The following MMP27 variants were observed in gnomAD, a reference collection of about 807,000 sequenced individuals.
The protein encoded by MMP27 is matrix metallopeptidase 27.
MMP27 carries 51 observed loss-of-function variants against 48.1 expected under a neutral mutation model. The ratio of observed to expected loss-of-function variants is 1.06; its 90% CI spans 0.85 to 1.34. The LOEUF is 1.34. Among genes scored for constraint, MMP27 ranks in the 40% most tolerant of loss-of-function variants. The pLI, the probability that MMP27 is intolerant of heterozygous loss-of-function variation, is 0.00. For synonymous variants in MMP27, 229 were observed against 208.9 expected, an observed-to-expected ratio of 1.10 and a Z score of -0.83; for missense variants, 698 against 619.3, an observed-to-expected ratio of 1.13 and a Z score of -1.35.
chr11:102,701,323 A>T (rs75503456), intron 4 of MMP27, among the ~76,000 whole-genome samples: 144 of 152,194 alleles, frequency 9.5e-4, no homozygotes, highest in African/African-American at 3.3e-3. Flanking sequence ...CTTACCCCAC[A>T]TGTCCCCCTT....
Position 102,704,787 on chromosome 11 carries a change from G to C in MMP27, c.103-12C>G. The C allele has an allele frequency of 7.3e-7, 1 of 1,377,056 alleles. No individual in the cohort carries two copies. Among genetic ancestry groups the C allele is most frequent in the Non-Finnish European group, 9.7e-7 (1 of 1,033,948 alleles). The allele number at this position is 1,377,056 out of a possible 1,614,324, so 85.3% of individuals were successfully genotyped here. A position where few individuals can be genotyped will look rare whatever the true frequency, so the allele number is the denominator to read the frequency against. On this transcript the variant is annotated splice_polypyrimidine_tract_variant and intron_variant, in intron 1 of 9. Transcript: ENST00000260229. ...TGGTTGAGATATGCCTGACCAAAAAGATAAGAAAAAAAAAAAAGAGGCACA... is the reference window on the plus strand; with the variant it reads ...TGGTTGAGATATGCCTGACCAAAAACATAAGAAAAAAAAAAAAGAGGCACA...
intron 4 of MMP27, among the ~76,000 whole-genome samples, chr11:102,700,112 T>C (rs1473198302): frequency 6.6e-6 from 1 of 152,248 alleles, no homozygotes; most frequent in Non-Finnish European, 1.5e-5. Context: ...GGAGGGCAGC[T>C]TCTGTGTCCT....
At chr11:102,693,092 T>G (rs1467570568) in intron 8 of MMP27, 51 bp from the exon 9 acceptor site, 1 of 1,440,868 alleles carries the variant, frequency 6.9e-7, no homozygotes, top group Non-Finnish European at 9.7e-7. Context: ...TTTGGGGAGC[T>G]TAATTTGTCT....
At position 102,692,008 on chromosome 11, in the gene MMP27, A is replaced by G. The variant is rs1232294734; in HGVS notation, c.1300T>C (p.Phe434Leu). 4 of 1,595,002 alleles carry G rather than the reference A, an allele frequency of 2.5e-6. No homozygotes were observed. The highest frequency in any genetic ancestry group is 3.4e-6 in the Non-Finnish European group (4 of 1,170,038). The change falls in exon 10 of 10, where the codon TTC becomes CTC. Residue 434 changes from phenylalanine (F) to leucine (L), a missense_variant and splice_region_variant. Coordinates refer to ENST00000260229, the MANE Select transcript of MMP27 (RefSeq NM_022122.3). ...TTTGATCCACGGCTGAAAAAGAAGA[A>G]TCCTAGAGACAGGGAATCAGGATTA... The part of the protein sequence containing the change: ...RVDAAFQYKG[F>L]FFFSRGSKQF...
chr11:102,696,936 G>A (rs1052182362), intron 4 of MMP27, 101 bp from the exon 5 acceptor site: 1 of 1,246,482 alleles, frequency 8.0e-7, no homozygotes, highest in East Asian at 2.5e-5. Context: ...ATAAAGGCTT[G>A]CTATACAGCA....
Position 102,704,663 on chromosome 11 carries a change from A to G in MMP27, c.215T>C (p.Leu72Ser). ...TGAGTCCAGTTTTCCAGTCACTGTC[A>G]ATCCAAAAAATGCTTGCATTTCCCG... ...KIREMQAFFGLTVTGKLDSNT... is the reference protein window; with the variant it reads ...KIREMQAFFGSTVTGKLDSNT... Residue 72 changes from leucine to serine, a missense_variant, in exon 2 of 10, where the codon TTG becomes TCG. By Grantham distance (145) the Leu-to-Ser change is moderately radical. Transcript: ENST00000260229. 6.2e-7 allele frequency: 1 copy of G among 1,614,110 alleles called. No individual in the cohort carries two copies. Among genetic ancestry groups the G allele is most frequent in the Non-Finnish European group, 8.5e-7 (1 of 1,179,986 alleles).
In MMP27 at chr11:102,705,708, G is replaced by T. The variant is rs558421984; in HGVS notation, c.7C>A (p.Arg3Ser). Reference sequence around the variant, plus strand: ...AAGAACAAAAACAGAAGCAGAAGGCGCTTCATTCCTCTCTTTCTTCAGCTG... The same window carrying T: ...AAGAACAAAAACAGAAGCAGAAGGCTCTTCATTCCTCTCTTTCTTCAGCTG... MKRLLLLFLFFIT... is the reference protein window; with the variant it reads MKSLLLLFLFFIT... The change falls in exon 1 of 10, where the codon CGC becomes AGC. Residue 3 changes from arginine (R) to serine (S), a missense_variant. Coordinates refer to ENST00000260229, the MANE Select transcript of MMP27 (RefSeq NM_022122.3). 3 of 1,603,336 alleles carry T rather than the reference G, an allele frequency of 1.9e-6. No individual in the cohort carries two copies. Among genetic ancestry groups the T allele is most frequent in the African/African-American group, 1.3e-5 (1 of 74,198 alleles).
rs112573778 is a variant in MMP27, at chr11:102,703,043, G to T, written c.417C>A (p.Ser139Arg). The change falls in exon 3 of 10, where the codon AGC (serine) becomes AGA (arginine). Residue 139 changes from serine to arginine, a missense_variant. Coordinates refer to ENST00000260229, the MANE Select transcript of MMP27 (RefSeq NM_022122.3). ...TGGTGAATTTTAGTGGAGTGACTTTGCTCCACACTTCTAAACCTTCTTGGA... is the reference window on the plus strand; with the variant it reads ...TGGTGAATTTTAGTGGAGTGACTTTTCTCCACACTTCTAAACCTTCTTGGA... The part of the protein sequence containing the change: ...EAIQEGLEVW[S>R]KVTPLKFTKI... 56 of 1,613,884 alleles carry T rather than the reference G, an allele frequency of 3.5e-5. No homozygotes were observed. In the Admixed American group the frequency reaches 6.8e-4, roughly 20 times the overall value.
intron 2 of MMP27, among the ~76,000 whole-genome samples, chr11:102,703,473 A>AT (rs1007247584): frequency 6.6e-6 from 1 of 152,040 alleles, no homozygotes; most frequent in African/African-American, 2.4e-5. Context: ...ACTGAGAATC[A>AT]TTTTTTTGAA....
At chr11:102,694,268 A>G (rs1860780811) in intron 7 of MMP27, among the ~76,000 whole-genome samples, 1 of 152,216 alleles carries the variant, frequency 6.6e-6, no homozygotes. Flanking sequence ...AAAAGTCAAT[A>G]GTATGCGTAC....
intron 4 of MMP27, among the ~76,000 whole-genome samples, chr11:102,697,169 A>C (rs1565426931): frequency 6.6e-6 from 1 of 152,204 alleles, no homozygotes; most frequent in Admixed American, 6.5e-5. Context: ...TACTGTACTG[A>C]ATATTATAGG....
At chr11:102,697,642 C>T (rs1860856413) in intron 4 of MMP27, among the ~76,000 whole-genome samples, 1 of 152,006 alleles carries the variant, frequency 6.6e-6, no homozygotes, top group South Asian at 2.1e-4. Flanking sequence ...GCTGGGACTA[C>T]AGGTGCATGC....
chr11:102,692,017 A>C lies in MMP27; in HGVS notation c.1298-7T>G. The C allele has an allele frequency of 6.3e-7, 1 of 1,585,996 alleles. No individual in the cohort carries two copies. Among genetic ancestry groups the C allele is most frequent in the Non-Finnish European group, 8.6e-7 (1 of 1,166,060 alleles). ...CGGCTGAAAAAGAAGAATCCTAGAGACAGGGAATCAGGATTAGTTATCTTT... is the reference window on the plus strand; with the variant it reads ...CGGCTGAAAAAGAAGAATCCTAGAGCCAGGGAATCAGGATTAGTTATCTTT... On this transcript the variant is annotated splice_region_variant and splice_polypyrimidine_tract_variant and intron_variant, in intron 9 of 9. Transcript: ENST00000260229.
chr11:102,693,202 T>C (rs184752181), intron 8 of MMP27, among the ~76,000 whole-genome samples, 161 bp from the exon 9 acceptor site: 1 of 152,206 alleles, frequency 6.6e-6, no homozygotes, highest in Non-Finnish European at 1.5e-5. Flanking sequence ...AGATTATGTT[T>C]GGTTGAATCA....
intron 2 of MMP27, among the ~76,000 whole-genome samples, chr11:102,703,356 C>G (rs192940683): frequency 1.3e-5 from 2 of 152,084 alleles, no homozygotes; most frequent in Admixed American, 1.3e-4. Context: ...ACAAAGGAGG[C>G]TGAAAGAGGT....
At position 102,705,599 on chromosome 11, in the gene MMP27, T is replaced by G; in HGVS notation, c.102+14A>C. 1 of 1,450,338 alleles carries G rather than the reference T, an allele frequency of 6.9e-7. No individual in the cohort carries two copies. Among genetic ancestry groups the G allele is most frequent in the Non-Finnish European group, 9.4e-7 (1 of 1,063,616 alleles). The allele number at this position is 1,450,338 out of a possible 1,614,324, so 89.8% of individuals were successfully genotyped here. Reference sequence around the variant, plus strand: ...TTTATCAATAGTCATCGATATCATTTATTAAGACAGTACCTGAGCCAGTTG... The same window carrying G: ...TTTATCAATAGTCATCGATATCATTGATTAAGACAGTACCTGAGCCAGTTG... On this transcript the variant is annotated intron_variant, in intron 1 of 9. Transcript: ENST00000260229.
At chr11:102,702,632 A>C in intron 4 of MMP27, 121 bp downstream of exon 4, 1 of 1,149,450 alleles carries the variant, frequency 8.7e-7, no homozygotes, top group South Asian at 1.5e-5. Flanking sequence ...TCATCTTGGA[A>C]TATGGAAAAT....
chr11:102,693,461 G>A (rs1346056962), intron 8 of MMP27, among the ~76,000 whole-genome samples: 1 of 151,970 alleles, frequency 6.6e-6, no homozygotes, highest in African/African-American at 2.4e-5. Context: ...CTTGATAAAT[G>A]TCATCCACTG....
In MMP27 at chr11:102,691,659, T is replaced by C; in HGVS notation, c.*107A>G. The C allele has an allele frequency of 1.0e-6, 1 of 1,002,212 alleles. No individual in the cohort carries two copies. Among genetic ancestry groups the C allele is most frequent in the South Asian group, 2.0e-5 (1 of 50,234 alleles). The allele number at this position is 1,002,212 out of a possible 1,614,324, so 62.1% of individuals were successfully genotyped here. ...GCTCAAAATGGCCATTGAATTTGGA[T>C]ATTTAGAACTAGGACCAGCAACTTG... On this transcript the variant is annotated 3_prime_UTR_variant, in exon 10 of 10. Transcript: ENST00000260229.
Sources: gnomAD v4.1 joint callset for allele counts (sites outside exome capture counted in the v4.1 genomes callset) on GRCh38, gnomAD v4.1.1 for gene constraint, MANE v1.5 for transcripts, NCBI Gene and HGNC (gene_info 2026-07-23, HGNC 2026-07-21) for gene names.